HEPH: variants seen among roughly 807,000 people sequenced by gnomAD.
HEPH encodes the protein hephaestin.
A neutral mutation model predicts 80.8 loss-of-function variants in HEPH; 69 were observed. The observed-to-expected ratio is 0.85, with a 90% confidence interval of 0.70 to 1.04. The LOEUF is 1.04. Among genes scored for constraint, HEPH ranks in the 50% least tolerant of loss-of-function variants. The pLI is 0.00. For missense variants in HEPH, 1,115 were observed against 891.3 expected, an observed-to-expected ratio of 1.25 and a Z score of -3.20; for synonymous variants, 431 against 322.8, an observed-to-expected ratio of 1.34 and a Z score of -3.60.
chrX:66,267,460 G>A (rs986133644), downstream of HEPH: 1 of 111,955 alleles, frequency 8.9e-6, no homozygotes, highest in Admixed American at 9.5e-5. Flanking sequence ...AATACTTAGG[G>A]GGTGAGTGAG....
At chrX:66,234,847 C>T (rs1385950588) in intron 15 of HEPH, among the ~76,000 whole-genome samples, 2 of 110,134 alleles carry the variant, frequency 1.8e-5, no homozygotes, top group Non-Finnish European at 3.8e-5. Context: ...CGGGGTTTCA[C>T]CATGTTGGGC....
chrX:66,260,046 A>T lies in HEPH; in HGVS notation c.3037-54A>T, dbSNP rs1242204356. ...AATTTTTTGGTTCCTGAAAGCTCTA[A>T]GATGATTTTTATACCCTTCACTTCC... is the stretch of plus-strand genomic sequence containing the variant. On this transcript the variant is annotated intron_variant, in intron 18 of 20. Transcript: ENST00000343002. 1.2e-5 allele frequency: 14 copies of T among 1,122,856 alleles called. No individual in the cohort carries two copies. The Admixed American group carries it at 2.9e-4, about 23-fold the overall frequency. The allele number at this position is 1,122,856 out of a possible 1,213,427, so 92.5% of individuals were successfully genotyped here. A position where few individuals can be genotyped will look rare whatever the true frequency, so the allele number is the denominator to read the frequency against.
Position 66,210,431 on chromosome X carries a change from C to T in HEPH, c.2563+2185C>T, listed in dbSNP as rs754451012. Among the ~76,000 whole-genome samples the T allele has an allele frequency of 3.6e-5, 4 of 110,891 alleles. No homozygotes were observed. In the South Asian group the frequency reaches 1.5e-3, roughly 43 times the overall value. ...GGTAATGAGAAGGTCAGGGTTGTGCCCAAAGGCTAAAGTAAAGTGGAGGCA... is the reference window on the plus strand; with the variant it reads ...GGTAATGAGAAGGTCAGGGTTGTGCTCAAAGGCTAAAGTAAAGTGGAGGCA... On this transcript the variant is annotated intron_variant, in intron 15 of 20. Coordinates refer to ENST00000343002, the MANE Select transcript of HEPH (RefSeq NM_001367233.3).
rs190184797 is a variant in HEPH at position 66,225,584 on chromosome X, A to T, written c.2563+17338A>T. On this transcript the variant is annotated intron_variant, in intron 15 of 20. Transcript: ENST00000343002. ...AAAGACTAGTCTTACCAACTTTCAG[A>T]TGTCTGGACTCCAGGTGCCATTTCC... 2.6e-3 allele frequency among the ~76,000 whole-genome samples: 288 copies of T among 112,647 alleles called. 1 individual carries two copies. Among genetic ancestry groups the T allele is most frequent in the Non-Finnish European group, 3.9e-3 (208 of 53,296 alleles).
chrX:66,226,200 G>A (rs2089882848), intron 15 of HEPH, among the ~76,000 whole-genome samples: 2 of 112,138 alleles, frequency 1.8e-5, no homozygotes, highest in African/African-American at 6.5e-5. Context: ...GTGCCGGGCT[G>A]TCTGCTTATG....
chrX:66,245,807 G>T (rs1230064352), intron 15 of HEPH, among the ~76,000 whole-genome samples: 1 of 112,248 alleles, frequency 8.9e-6, no homozygotes, highest in South Asian at 3.7e-4. Context: ...AATCAAACTA[G>T]AACTCAGGAT....
At chrX:66,235,533 T>G (rs893677685) in intron 15 of HEPH, among the ~76,000 whole-genome samples, 11 of 111,466 alleles carry the variant, frequency 9.9e-5, no homozygotes, top group African/African-American at 3.3e-4. Context: ...GCCTTCTTTT[T>G]GGGCTCATTA....
intron 15 of HEPH, among the ~76,000 whole-genome samples, chrX:66,213,476 TA>T (rs990146187): frequency 3.8e-4 from 42 of 111,927 alleles, no homozygotes; most frequent in African/African-American, 1.1e-3. Context: ...TATGCAGCCA[TA>T]AAAAATGATG....
In HEPH at chrX:66,245,206, C is replaced by T. The variant is rs750701824; in HGVS notation, c.2564-9829C>T. ...TGGCAAATTGGATAAAGAGTCAAGA[C>T]CCATCAGTGTGCTGTATTCAGGAAA... On this transcript the variant is annotated intron_variant, in intron 15 of 20. Coordinates refer to ENST00000343002, the MANE Select transcript of HEPH (RefSeq NM_001367233.3). Among the ~76,000 whole-genome samples the T allele has an allele frequency of 2.7e-5, 3 of 110,957 alleles. No individual in the cohort carries two copies. The South Asian group carries it at 1.2e-3, about 43-fold the overall frequency.
At chrX:66,265,966 C>G in intron 20 of HEPH, among the ~76,000 whole-genome samples, 1 of 111,521 alleles carries the variant, frequency 9.0e-6, no homozygotes, top group Non-Finnish European at 1.9e-5. Context: ...TAACATGACC[C>G]AAAGAGGTAA....
chrX:66,266,911 T>A lies in HEPH; in HGVS notation c.*239T>A, dbSNP rs2091557445. On this transcript the variant is annotated 3_prime_UTR_variant, in exon 21 of 21. Coordinates refer to ENST00000343002, the MANE Select transcript of HEPH (RefSeq NM_001367233.3). ...CTGGCACTAAGGGAGTACCTTATTATCCTACATCGCAAATTTCAACAGCTA... is the reference window on the plus strand; with the variant it reads ...CTGGCACTAAGGGAGTACCTTATTAACCTACATCGCAAATTTCAACAGCTA... The A allele has an allele frequency of 5.7e-6, 2 of 349,417 alleles. No homozygotes were observed. The highest frequency in any genetic ancestry group is 1.5e-4 in the South Asian group (2 of 13,134). The allele number at this position is 349,417 out of a possible 1,213,427, so 28.8% of individuals were successfully genotyped here.
At chrX:66,201,671 G>T (rs2088460218) in intron 12 of HEPH, among the ~76,000 whole-genome samples, 1 of 111,124 alleles carries the variant, frequency 9.0e-6, no homozygotes, top group African/African-American at 3.3e-5. Flanking sequence ...TTCATATCTG[G>T]GGGGAAAAAC....
At chrX:66,216,905 T>A (rs1006026599) in intron 15 of HEPH, among the ~76,000 whole-genome samples, 4 of 111,485 alleles carry the variant, frequency 3.6e-5, no homozygotes, top group African/African-American at 1.3e-4. Context: ...CACTGAAAAG[T>A]CACAGCAGTA....
chrX:66,219,460 TGATA>T (rs751608998), intron 15 of HEPH, among the ~76,000 whole-genome samples: 1 of 112,207 alleles, frequency 8.9e-6, no homozygotes, highest in Non-Finnish European at 1.9e-5. Flanking sequence ...CAATCTATTT[TGATA>T]GATAGCATTT....
Position 66,266,418 on chromosome X carries a change from AT to A in HEPH, c.3245-12del, listed in dbSNP as rs376891573. The A allele has an allele frequency of 3.9e-3, 3,967 of 1,026,295 alleles. 59 individuals are homozygous for A. In the South Asian group the frequency reaches 0.059, roughly 15 times the overall value. The allele number at this position is 1,026,295 out of a possible 1,213,427, so 84.6% of individuals were successfully genotyped here. On this transcript the variant is annotated intron_variant, in intron 20 of 20. Coordinates refer to ENST00000343002, the MANE Select transcript of HEPH (RefSeq NM_001367233.3). Reference sequence around the variant, plus strand: ...GAGTACTCCCCATCCCAGGATGCCCATTTTTTTTTTCTCCATTTCAGCAGTG... The same window carrying A: ...GAGTACTCCCCATCCCAGGATGCCCATTTTTTTTTCTCCATTTCAGCAGTG...
rs2091556920 is a variant in HEPH, at chrX:66,266,885, C to T, written c.*213C>T. ...TTAGTTTCTTTGCTCTACGTGGGCA[C>T]CTGGCACTAAGGGAGTACCTTATTA... On this transcript the variant is annotated 3_prime_UTR_variant, in exon 21 of 21. Coordinates refer to ENST00000343002, the MANE Select transcript of HEPH (RefSeq NM_001367233.3). 2.5e-6 allele frequency: 1 copy of T among 399,456 alleles called. No homozygotes were observed. The highest frequency in any genetic ancestry group is 2.5e-5 in the African/African-American group (1 of 39,705). The allele number at this position is 399,456 out of a possible 1,213,427, so 32.9% of individuals were successfully genotyped here.
chrX:66,202,872 AAC>A (rs1458631442), intron 12 of HEPH, among the ~76,000 whole-genome samples: 1 of 104,390 alleles, frequency 9.6e-6, no homozygotes, highest in African/African-American at 3.5e-5. Context: ...GGAACTGAAA[AAC>A]ACAGAGGTTT....
chrX:66,260,345 G>T, intron 19 of HEPH, 83 bp downstream of exon 19: 1 of 792,795 alleles, frequency 1.3e-6, no homozygotes, highest in African/African-American at 2.0e-5. Flanking sequence ...AAAGCCTCTT[G>T]ATTGTCTCCT....
chrX:66,180,796 A>T (rs2087093969), intron 4 of HEPH, among the ~76,000 whole-genome samples: 1 of 86,748 alleles, frequency 1.2e-5, no homozygotes, highest in Non-Finnish European at 2.2e-5. Flanking sequence ...CGCTGCACCC[A>T]CTAACGTGTC....
Sources: gnomAD v4.1 joint callset for allele counts (sites outside exome capture counted in the v4.1 genomes callset) on GRCh38, gnomAD v4.1.1 for gene constraint, MANE v1.5 for transcripts, NCBI Gene and HGNC (gene_info 2026-07-23, HGNC 2026-07-21) for gene names.